DNMT3B: variants seen among roughly 807,000 people sequenced by gnomAD.
DNMT3B encodes the protein DNA (cytosine-5)-methyltransferase 3B.
DNMT3B carries 37 observed loss-of-function variants against 120.2 expected under a neutral mutation model. That is an observed-to-expected ratio of 0.31 (90% CI 0.24 to 0.40). DNMT3B has a LOEUF of 0.40. Ranked by LOEUF, DNMT3B falls within the 10% of genes least tolerant of loss-of-function variation. DNMT3B has a pLI of 1.00. For synonymous variants in DNMT3B, 412 were observed against 442.8 expected (o/e 0.93, Z 0.87); for missense variants, 878 against 1,137.3 (o/e 0.77, Z 3.28).
chr20:32,791,474 T>C (rs1368611013), intron 7 of DNMT3B, 127 bp from the exon 8 acceptor site: 6 of 906,762 alleles, frequency 6.6e-6, no homozygotes, highest in Non-Finnish European at 1.1e-5. Context: ...CTGTGGACTT[T>C]ATCCCCAGGA....
rs771769549 is a variant in DNMT3B, at chr20:32,796,868, G to A, written c.1376G>A (p.Arg459Gln). The A allele has an allele frequency of 8.1e-6, 13 of 1,614,026 alleles. No homozygotes were observed. Among genetic ancestry groups the A allele is most frequent in the Middle Eastern group, 1.6e-4 (1 of 6,084 alleles). ...GAGGGGGGGCTCTGTCAGACATGCC[G>A]GGTAAGTCCTCCTACTACTGCCCTG... is the stretch of plus-strand genomic sequence containing the variant. ...LFEGGLCQTC[R>Q]DRFLELFYMY... is the part of the protein sequence containing the mutation. The change falls in exon 13 of 23, where the codon CGG (arginine) becomes CAG (glutamine). Residue 459 changes from arginine (R) to glutamine (Q), a missense_variant and splice_region_variant. This residue lies in a region of DNMT3B where 207 missense variants were observed against 222.6 expected (regional missense o/e 0.93). Coordinates refer to ENST00000328111, the MANE Select transcript of DNMT3B (RefSeq NM_006892.4).
intron 17 of DNMT3B, 131 bp from the exon 18 acceptor site, chr20:32,800,704 C>A: frequency 9.9e-7 from 1 of 1,006,296 alleles, no homozygotes; most frequent in Non-Finnish European, 1.6e-6. Context: ...GGTAATCCAC[C>A]CCCGCCGTCA....
intron 1 of DNMT3B, among the ~76,000 whole-genome samples, chr20:32,763,346 C>T (rs1987091120): frequency 6.6e-6 from 1 of 152,150 alleles, no homozygotes; most frequent in African/African-American, 2.4e-5. Context: ...CCGGGGTGCT[C>T]CTGAGCTGAG....
chr20:32,792,014 G>T (rs1675432631), intron 8 of DNMT3B, among the ~76,000 whole-genome samples: 3 of 152,146 alleles, frequency 2.0e-5, no homozygotes, highest in South Asian at 2.1e-4. Context: ...TTCTTATGAG[G>T]GTTGGAGTTC....
At chr20:32,792,604 A>G in intron 8 of DNMT3B, 22 bp from the exon 9 acceptor site, 1 of 1,614,020 alleles carries the variant, frequency 6.2e-7, no homozygotes. Flanking sequence ...CCCCCCATTC[A>G]TCACAGACTC....
At chr20:32,769,235 C>T (rs1265884930) in intron 1 of DNMT3B, among the ~76,000 whole-genome samples, 1 of 152,132 alleles carries the variant, frequency 6.6e-6, no homozygotes, top group East Asian at 1.9e-4. Context: ...CTACAGGCGC[C>T]CGCCACCTTG....
intron 3 of DNMT3B, among the ~76,000 whole-genome samples, chr20:32,783,679 G>GT (rs1456861639): frequency 6.6e-6 from 1 of 152,014 alleles, no homozygotes; most frequent in Non-Finnish European, 1.5e-5. Flanking sequence ...CTGGTAGCTA[G>GT]TTACCAGAAA....
intron 1 of DNMT3B, among the ~76,000 whole-genome samples, chr20:32,766,032 CAGGCGTG>C: frequency 6.6e-6 from 1 of 152,250 alleles, no homozygotes; most frequent in Admixed American, 6.5e-5. Context: ...GCTGAGATTA[CAGGCGTG>C]AGCCACTGTG....
At chr20:32,785,330 G>A (rs1979142196) in intron 4 of DNMT3B, among the ~76,000 whole-genome samples, 1 of 152,174 alleles carries the variant, frequency 6.6e-6, no homozygotes, top group Admixed American at 6.5e-5. Context: ...GTGAGCCACT[G>A]CGCCCGGCTG....
intron 1 of DNMT3B, among the ~76,000 whole-genome samples, chr20:32,766,624 G>A (rs1003607522): frequency 1.3e-5 from 2 of 152,010 alleles, no homozygotes; most frequent in African/African-American, 2.4e-5. Flanking sequence ...AGACAGTCTC[G>A]CTCTGTTGCC....
chr20:32,786,748 A>G (rs1979343253), intron 5 of DNMT3B, 121 bp downstream of exon 5: 2 of 1,525,176 alleles, frequency 1.3e-6, no homozygotes, highest in Non-Finnish European at 1.8e-6. Flanking sequence ...ACTGCTTTTC[A>G]GGTTCTTGCT....
intron 16 of DNMT3B, among the ~76,000 whole-genome samples, chr20:32,799,633 T>G (rs982242472): frequency 1.3e-5 from 2 of 152,194 alleles, no homozygotes; most frequent in African/African-American, 4.8e-5. Flanking sequence ...GATTCTCTCC[T>G]CAGCCTCCCA....
At chr20:32,795,275 A>T in intron 10 of DNMT3B, 134 bp from the exon 11 acceptor site, 2 of 1,383,696 alleles carry the variant, frequency 1.4e-6, no homozygotes, top group Non-Finnish European at 1.0e-6. Context: ...AAGGGGCCAT[A>T]TACATTCAGT....
chr20:32,808,137 T>C lies in DNMT3B; in HGVS notation c.*234T>C. 1 of 611,322 alleles carries C rather than the reference T, an allele frequency of 1.6e-6. No individual in the cohort carries two copies. Among genetic ancestry groups the C allele is most frequent in the Non-Finnish European group, 2.8e-6 (1 of 363,502 alleles). The allele number at this position is 611,322 out of a possible 1,614,324, so 37.9% of individuals were successfully genotyped here. On this transcript the variant is annotated 3_prime_UTR_variant, in exon 23 of 23. Transcript: ENST00000328111. ...GGCTGCTTGGAGCAGCCTAACACGGTGCTCATTTTTTCTTCTCCTAAAACT... is the reference window on the plus strand; with the variant it reads ...GGCTGCTTGGAGCAGCCTAACACGGCGCTCATTTTTTCTTCTCCTAAAACT...
chr20:32,798,344 C>A, intron 14 of DNMT3B, 116 bp from the exon 15 acceptor site: 1 of 1,361,252 alleles, frequency 7.3e-7, no homozygotes, highest in Non-Finnish European at 1.0e-6. Context: ...TGTTAAGCAG[C>A]CGATCCTAGG....
chr20:32,795,568 T>C, intron 11 of DNMT3B, 34 bp downstream of exon 11: 2 of 1,614,108 alleles, frequency 1.2e-6, no homozygotes, highest in Non-Finnish European at 1.7e-6. Context: ...ATGGGACAGA[T>C]GGGAGGAGGA....
chr20:32,794,309 C>CTCCA (rs1395850722), intron 10 of DNMT3B, among the ~76,000 whole-genome samples: 1 of 140,066 alleles, frequency 7.1e-6, no homozygotes, highest in Non-Finnish European at 1.5e-5. Context: ...TGCCACTGCA[C>CTCCA]TCCAGCCTGG....
chr20:32,804,255 C>G (rs1398339528), intron 20 of DNMT3B, among the ~76,000 whole-genome samples: 1 of 152,064 alleles, frequency 6.6e-6, no homozygotes, highest in African/African-American at 2.4e-5. Context: ...GGGGACAGAC[C>G]CAAGTCATCT....
At chr20:32,786,442 C>T in intron 4 of DNMT3B, 60 bp from the exon 5 acceptor site, 3 of 1,611,982 alleles carry the variant, frequency 1.9e-6, no homozygotes, top group Non-Finnish European at 2.5e-6. Flanking sequence ...CCTTCTGGCC[C>T]CGCCAGACCC....
Sources: allele counts gnomAD v4.1 joint callset (sites outside exome capture counted in the v4.1 genomes callset), GRCh38; gene constraint gnomAD v4.1.1; regional missense constraint gnomAD v4.1.1; transcripts MANE v1.5; gene names NCBI Gene and HGNC (gene_info 2026-07-23, HGNC 2026-07-21).